The following IGF2BP3 variants were observed in gnomAD, a reference collection of about 807,000 sequenced individuals.
The protein encoded by IGF2BP3 is insulin-like growth factor 2 mRNA-binding protein 3.
A neutral mutation model predicts 73.8 loss-of-function variants in IGF2BP3; 9 were observed. The ratio of observed to expected loss-of-function variants is 0.12; its 90% CI spans 0.07 to 0.21. IGF2BP3 has a LOEUF of 0.21. Ranked by LOEUF, IGF2BP3 falls within the 10% of genes least tolerant of loss-of-function variation. The pLI is 1.00. For missense variants in IGF2BP3, 542 were observed against 714.0 expected (o/e 0.76, Z 2.75); for synonymous variants, 258 against 256.7 (o/e 1.01, Z -0.05).
At chr7:23,343,659 A>G in intron 9 of IGF2BP3, 59 bp downstream of exon 9, 1 of 1,500,354 alleles carries the variant, frequency 6.7e-7, no homozygotes, top group East Asian at 2.3e-5. Flanking sequence ...TAATGCAGTT[A>G]AAAACATTGT....
At chr7:23,365,417 T>C (rs1355404629) in intron 3 of IGF2BP3, among the ~76,000 whole-genome samples, 1 of 152,148 alleles carries the variant, frequency 6.6e-6, no homozygotes, top group African/African-American at 2.4e-5. Context: ...ACTACAAAAG[T>C]TAAACACCTG....
At position 23,312,073 on chromosome 7, in the gene IGF2BP3, G is replaced by C. The variant is rs1263685407; in HGVS notation, c.*289C>G. The C allele has an allele frequency of 2.7e-6, 1 of 372,664 alleles. No individual in the cohort carries two copies. The highest frequency in any genetic ancestry group is 2.1e-5 in the African/African-American group (1 of 48,186). The allele number at this position is 372,664 out of a possible 1,614,324, so 23.1% of individuals were successfully genotyped here. On this transcript the variant is annotated 3_prime_UTR_variant, in exon 15 of 15. Transcript: ENST00000258729. Reference sequence around the variant, plus strand: ...AGAATTAGAATATCTGTTATACTGTGAGACTACAACAAAGGGAAGTGCAGA... The same window carrying C: ...AGAATTAGAATATCTGTTATACTGTCAGACTACAACAAAGGGAAGTGCAGA...
chr7:23,398,849 T>G (rs1340737883), intron 3 of IGF2BP3, among the ~76,000 whole-genome samples: 1 of 152,204 alleles, frequency 6.6e-6, no homozygotes, highest in Non-Finnish European at 1.5e-5. Flanking sequence ...TTTTCTCCCA[T>G]TTTGTAGGTT....
chr7:23,465,404 C>A lies in IGF2BP3; in HGVS notation c.236+3078G>T, dbSNP rs1399074122. 2.6e-5 allele frequency among the ~76,000 whole-genome samples: 4 copies of A among 152,214 alleles called. No homozygotes were observed. The East Asian group carries it at 7.7e-4, about 29-fold the overall frequency. On this transcript the variant is annotated intron_variant, in intron 2 of 14. Coordinates refer to ENST00000258729, the MANE Select transcript of IGF2BP3 (RefSeq NM_006547.3). ...GTAAAGTAACTGCTATAATCTTCCC[C>A]AACTGAGGGGTATCTGAATGCAGAA...
At chr7:23,456,703 T>C (rs886085835) in intron 2 of IGF2BP3, among the ~76,000 whole-genome samples, 2 of 152,098 alleles carry the variant, frequency 1.3e-5, no homozygotes, top group Non-Finnish European at 2.9e-5. Flanking sequence ...GCACACTTCA[T>C]TGAAAGAAGC....
intron 3 of IGF2BP3, chr7:23,362,810 G>C (rs1177258213): frequency 6.6e-6 from 1 of 152,170 alleles, no homozygotes; most frequent in Non-Finnish European, 1.5e-5. Context: ...CTGGAGTGCA[G>C]TGGCATGATC....
At chr7:23,456,292 A>G (rs12700441) in intron 2 of IGF2BP3, among the ~76,000 whole-genome samples, 25,778 of 151,128 alleles carry the variant, frequency 0.17, 2,491 homozygotes, top group South Asian at 0.27. Context: ...TTTTTTAACC[A>G]CTATTACCAC....
chr7:23,428,952 T>C (rs1787597827), intron 2 of IGF2BP3, among the ~76,000 whole-genome samples: 1 of 152,210 alleles, frequency 6.6e-6, no homozygotes, highest in Non-Finnish European at 1.5e-5. Flanking sequence ...CATCTTTTGA[T>C]GTGACTCCAA....
intron 6 of IGF2BP3, among the ~76,000 whole-genome samples, chr7:23,350,220 T>G (rs1784925408): frequency 6.6e-6 from 1 of 152,172 alleles, no homozygotes; most frequent in African/African-American, 2.4e-5. Flanking sequence ...AACAAACACA[T>G]AAAGTATACA....
Position 23,347,743 on chromosome 7 carries a change from G to A in IGF2BP3, c.684-9C>T. 5.6e-6 allele frequency: 9 copies of A among 1,613,944 alleles called. No individual in the cohort carries two copies. Among genetic ancestry groups the A allele is most frequent in the Non-Finnish European group, 7.6e-6 (9 of 1,180,004 alleles). ...TACGGTGGACATCGATTCTGATAGT[G>A]GGCGCAAGCAGAGAGGAAAACGAGA... On this transcript the variant is annotated splice_polypyrimidine_tract_variant and intron_variant, in intron 6 of 14. Transcript: ENST00000258729.
In IGF2BP3 at chr7:23,343,812, G is replaced by C; in HGVS notation, c.983C>G (p.Thr328Arg). The change falls in exon 9 of 15, where the codon ACA becomes AGA. Residue 328 changes from threonine to arginine, a missense_variant. Thr to Arg is a moderately conservative substitution (Grantham distance 71). Coordinates refer to ENST00000258729, the MANE Select transcript of IGF2BP3 (RefSeq NM_006547.3). Reference protein sequence around the residue: ...LTLYNPERTITVKGNVETCAK... With the variant: ...LTLYNPERTIRVKGNVETCAK... The stretch of plus-strand genomic sequence containing the variant: ...ACATGTCTCAACATTGCCTTTAACT[G>C]TAATAGTGCGTTCTGGATTATACAG... The C allele has an allele frequency of 1.2e-6, 2 of 1,612,792 alleles. No homozygotes were observed. The highest frequency in any genetic ancestry group is 1.7e-6 in the Non-Finnish European group (2 of 1,179,518).
chr7:23,315,736 A>T (rs1415363324), intron 12 of IGF2BP3, among the ~76,000 whole-genome samples: 1 of 152,198 alleles, frequency 6.6e-6, no homozygotes, highest in Admixed American at 6.5e-5. Flanking sequence ...AGGGATATAC[A>T]CTATCCTCCA....
intron 2 of IGF2BP3, 27 bp from the exon 3 acceptor site, chr7:23,418,851 A>G: frequency 6.7e-7 from 1 of 1,493,676 alleles, no homozygotes; most frequent in South Asian, 1.2e-5. Flanking sequence ...ATGTTTTTTA[A>G]AAGAAAAAAA....
intron 2 of IGF2BP3, among the ~76,000 whole-genome samples, chr7:23,445,037 G>A (rs531934914): frequency 5.3e-5 from 8 of 152,104 alleles, no homozygotes; most frequent in East Asian, 1.9e-4. Context: ...CAGCCTGGGC[G>A]GCAGAGTGAG....
intron 10 of IGF2BP3, among the ~76,000 whole-genome samples, chr7:23,327,427 CCCA>C (rs1268864084): frequency 2.0e-5 from 3 of 151,836 alleles, no homozygotes; most frequent in African/African-American, 7.3e-5. Flanking sequence ...ACTACAGGCG[CCCA>C]CCATCACGCC....
intron 2 of IGF2BP3, among the ~76,000 whole-genome samples, chr7:23,455,207 T>C (rs1057034591): frequency 6.6e-6 from 1 of 152,204 alleles, no homozygotes; most frequent in Non-Finnish European, 1.5e-5. Context: ...ATGAGAATAA[T>C]GCAGTCACTC....
rs1297339656 is a variant in IGF2BP3 at position 23,469,397 on chromosome 7, C to T, written c.175+539G>A. Reference sequence around the variant, plus strand: ...AAACCGGGCACACACTCTCTCCTCCCACAGGGTGGGGAGGAAGCGCGGGGC... The same window carrying T: ...AAACCGGGCACACACTCTCTCCTCCTACAGGGTGGGGAGGAAGCGCGGGGC... On this transcript the variant is annotated intron_variant, in intron 1 of 14. Transcript: ENST00000258729. This position sits in a 1 kb window ranked among gnomAD's most constrained non-coding sequence, Gnocchi z 6.1. The T allele has an allele frequency of 1.3e-5, 2 of 152,310 alleles. No homozygotes were observed. The highest frequency in any genetic ancestry group is 2.9e-5 in the Non-Finnish European group (2 of 68,124). The allele number at this position is 152,310 out of a possible 1,614,324, so 9.4% of individuals were successfully genotyped here. A position where few individuals can be genotyped will look rare whatever the true frequency, so the allele number is the denominator to read the frequency against.
At chr7:23,395,863 T>C (rs1441606777) in intron 3 of IGF2BP3, among the ~76,000 whole-genome samples, 3 of 151,600 alleles carry the variant, frequency 2.0e-5, no homozygotes. Context: ...GAGGCAGAGG[T>C]TGCAGTGAGC....
intron 3 of IGF2BP3, among the ~76,000 whole-genome samples, chr7:23,368,753 C>T (rs1023351366): frequency 4.0e-5 from 6 of 151,896 alleles, no homozygotes; most frequent in African/African-American, 1.5e-4. Context: ...CAAAATTAGC[C>T]GGGCGTGGTC....
Sources: allele counts gnomAD v4.1 joint callset (sites outside exome capture counted in the v4.1 genomes callset), GRCh38; gene constraint gnomAD v4.1.1; non-coding constraint Gnocchi (gnomAD v3.1); transcripts MANE v1.5; gene names NCBI Gene and HGNC (gene_info 2026-07-23, HGNC 2026-07-21).